Variants in NIPBL observed in about 807,000 individuals in gnomAD.
NIPBL encodes nipped-B-like protein.
A neutral mutation model predicts 321.8 loss-of-function variants in NIPBL; 19 were observed. That is an observed-to-expected ratio of 0.06 (90% CI 0.04 to 0.09). NIPBL has a LOEUF of 0.09. NIPBL is among the 10% of genes least tolerant of loss of function. The pLI, the probability that NIPBL is intolerant of heterozygous loss-of-function variation, is 1.00. For synonymous variants in NIPBL, 1,106 were observed against 1,114.1 expected, an observed-to-expected ratio of 0.99 and a Z score of 0.14; for missense variants, 2,210 against 3,327.0, an observed-to-expected ratio of 0.66 and a Z score of 8.26.
At chr5:37,055,438 T>C (rs1310416038) in intron 42 of NIPBL, among the ~76,000 whole-genome samples, 2 of 151,224 alleles carry the variant, frequency 1.3e-5, no homozygotes, top group Non-Finnish European at 2.9e-5. Context: ...GTGAAAAGAA[T>C]AGTTAGTGGA....
intron 1 of NIPBL, among the ~76,000 whole-genome samples, chr5:36,936,696 C>G (rs1256668115): frequency 6.6e-6 from 1 of 152,096 alleles, no homozygotes; most frequent in Non-Finnish European, 1.5e-5. Flanking sequence ...TTCATGACTA[C>G]TTTCAAGTTT....
Position 37,002,721 on chromosome 5 carries a change from G to C in NIPBL, c.3724G>C (p.Gly1242Arg). 1.2e-6 allele frequency: 2 copies of C among 1,612,414 alleles called. No individual in the cohort carries two copies. The highest frequency in any genetic ancestry group is 2.2e-5 in the South Asian group (2 of 91,022). Reference sequence around the variant, plus strand: ...AGGAAAACATCAGCTTAATGAACTTGGCAGTGAATCTGCTAAAATAAAAGC... The same window carrying C: ...AGGAAAACATCAGCTTAATGAACTTCGCAGTGAATCTGCTAAAATAAAAGC... ...LLGKHQLNEL[G>R]SESAKIKAMG... The change falls in exon 15 of 47, where the codon GGC becomes CGC. Residue 1242 changes from glycine (G) to arginine (R), a missense_variant. Around this residue, in one of 14 missense-constraint regions of NIPBL, gnomAD observed 381 missense variants for 642.3 expected, o/e 0.59. Transcript: ENST00000282516.
chr5:36,959,185 C>T (rs916199215), intron 4 of NIPBL, among the ~76,000 whole-genome samples: 7 of 152,040 alleles, frequency 4.6e-5, no homozygotes, highest in Non-Finnish European at 7.4e-5. Flanking sequence ...CCAGCCTGGG[C>T]GACAGAGCGA....
intron 21 of NIPBL, among the ~76,000 whole-genome samples, chr5:37,013,069 G>A (rs1394640522): frequency 3.3e-5 from 5 of 149,808 alleles, no homozygotes; most frequent in South Asian, 2.1e-4. Context: ...CCTCCTGGAC[G>A]GGGCAGCTGG....
At chr5:36,942,822 T>C (rs1739264208) in intron 1 of NIPBL, among the ~76,000 whole-genome samples, 1 of 152,162 alleles carries the variant, frequency 6.6e-6, no homozygotes, top group Non-Finnish European at 1.5e-5. Context: ...GTGGTTATAT[T>C]TGGTTCTCTT....
chr5:36,989,109 A>C (rs967620696), intron 10 of NIPBL, among the ~76,000 whole-genome samples: 2 of 152,192 alleles, frequency 1.3e-5, no homozygotes, highest in African/African-American at 4.8e-5. Context: ...AAAATTAGAT[A>C]ATCGTCTTTT....
chr5:37,037,487 A>G (rs577622874), intron 33 of NIPBL, among the ~76,000 whole-genome samples: 175 of 149,910 alleles, frequency 1.2e-3, no homozygotes, highest in African/African-American at 4.2e-3. Flanking sequence ...AAAGACTAGC[A>G]TTACTTCCCA....
chr5:36,933,432 CAT>C (rs903846095), intron 1 of NIPBL, among the ~76,000 whole-genome samples: 4 of 151,968 alleles, frequency 2.6e-5, no homozygotes, highest in African/African-American at 9.7e-5. Context: ...AAAACTTACT[CAT>C]ATATTATTTG....
rs747960326 is a variant in NIPBL at position 37,064,596 on chromosome 5, G to C, written c.8119G>C (p.Val2707Leu). 6.2e-7 allele frequency: 1 copy of C among 1,614,128 alleles called. No homozygotes were observed. Among genetic ancestry groups the C allele is most frequent in the South Asian group, 1.1e-5 (1 of 91,084 alleles). The change falls in exon 47 of 47, where the codon GTC becomes CTC. Residue 2707 changes from valine (V) to leucine (L), a missense_variant. Around this residue, in one of 14 missense-constraint regions of NIPBL, gnomAD observed 159 missense variants for 319.2 expected, o/e 0.50. Transcript: ENST00000282516. ...LAAQMNESVD[V>L]MDVIAICCPK... The stretch of plus-strand genomic sequence containing the variant: ...AGCACAGATGAATGAAAGTGTTGAC[G>C]TCATGGATGTCATCGCTATTTGCTG...
intron 42 of NIPBL, among the ~76,000 whole-genome samples, chr5:37,053,336 AG>A (rs1202009293): frequency 6.6e-6 from 1 of 152,200 alleles, no homozygotes; most frequent in African/African-American, 2.4e-5. Context: ...AAAATATGAT[AG>A]GATAATCTTA....
At position 37,059,047 on chromosome 5, in the gene NIPBL, A is replaced by G; in HGVS notation, c.7567A>G (p.Met2523Val). ...SDSEDDINSV[M>V]KCLPENSAPL... ...TTCAGAAGACGATATAAATTCAGTG[A>G]TGAAATGTTTGCCAGAAAATTCAGC... Residue 2523 changes from methionine (M) to valine (V), a missense_variant, in exon 44 of 47, where the codon ATG becomes GTG. Coordinates refer to ENST00000282516, the MANE Select transcript of NIPBL (RefSeq NM_133433.4). 6.2e-7 allele frequency: 1 copy of G among 1,614,224 alleles called. No homozygotes were observed. The highest frequency in any genetic ancestry group is 8.5e-7 in the Non-Finnish European group (1 of 1,180,032).
chr5:37,000,629 C>T, intron 12 of NIPBL, 59 bp downstream of exon 12: 2 of 1,535,642 alleles, frequency 1.3e-6, no homozygotes, highest in African/African-American at 1.4e-5. Context: ...AGGGCTTTAA[C>T]TTTGAAGAAT....
intron 25 of NIPBL, 58 bp downstream of exon 25, chr5:37,019,458 GA>G: frequency 7.9e-7 from 1 of 1,262,518 alleles, no homozygotes; most frequent in Non-Finnish European, 1.2e-6. Context: ...TTGGGTTTAA[GA>G]AAATTGGGAG....
At chr5:36,975,684 A>G in intron 8 of NIPBL, 92 bp from the exon 9 acceptor site, 1 of 1,189,652 alleles carries the variant, frequency 8.4e-7, no homozygotes, top group South Asian at 1.3e-5. Context: ...TTTTTCTAGT[A>G]TTACTATATT....
chr5:37,003,948 T>C (rs1229909664), intron 16 of NIPBL, among the ~76,000 whole-genome samples: 2 of 152,154 alleles, frequency 1.3e-5, no homozygotes, highest in African/African-American at 4.8e-5. Flanking sequence ...TTTTGAGTTA[T>C]GAGATGATAG....
intron 34 of NIPBL, among the ~76,000 whole-genome samples, chr5:37,043,864 G>T (rs1311558590): frequency 6.6e-6 from 1 of 152,114 alleles, no homozygotes; most frequent in Admixed American, 6.6e-5. Context: ...AGCATCCCTG[G>T]CCTCTATCCA....
chr5:36,998,216 A>C (rs1025317924), intron 11 of NIPBL, among the ~76,000 whole-genome samples: 2 of 152,132 alleles, frequency 1.3e-5, no homozygotes, highest in African/African-American at 4.8e-5. Flanking sequence ...TGGAGAAAGA[A>C]TAAGCTAACC....
chr5:36,970,563 A>C lies in NIPBL; in HGVS notation c.611-313A>C, dbSNP rs1168937530. Among the ~76,000 whole-genome samples the C allele has an allele frequency of 2.0e-5, 3 of 152,026 alleles. No individual in the cohort carries two copies. The East Asian group carries it at 5.8e-4, about 29-fold the overall frequency. On this transcript the variant is annotated intron_variant, in intron 6 of 46. Coordinates refer to ENST00000282516, the MANE Select transcript of NIPBL (RefSeq NM_133433.4). ...ATATATTCATGCATAGCAAAGGTAT[A>C]AAGATAACACATAGGCAGAATAAAC...
intron 5 of NIPBL, 116 bp from the exon 6 acceptor site, chr5:36,962,007 C>T (rs1449548989): frequency 8.7e-7 from 1 of 1,146,954 alleles, no homozygotes; most frequent in African/African-American, 1.6e-5. Context: ...CTTCTGTTTG[C>T]ATAGATTTTA....
Sources: allele counts gnomAD v4.1 joint callset (sites outside exome capture counted in the v4.1 genomes callset), GRCh38; gene constraint gnomAD v4.1.1; regional missense constraint gnomAD v4.1.1; transcripts MANE v1.5; gene names NCBI Gene and HGNC (gene_info 2026-07-23, HGNC 2026-07-21).